HS6ST1: variants seen among roughly 807,000 people sequenced by gnomAD.
The protein encoded by HS6ST1 is heparan sulfate 6-O-sulfotransferase 1.
HS6ST1 carries 3 observed loss-of-function variants against 25.2 expected under a neutral mutation model. That is an observed-to-expected ratio of 0.12 (90% CI 0.05 to 0.31). The LOEUF (loss-of-function observed/expected upper bound fraction) is 0.31, where lower values mean the gene tolerates loss of function less well. Ranked by LOEUF, HS6ST1 falls within the 10% of genes least tolerant of loss-of-function variation. The pLI is 1.00. For synonymous variants in HS6ST1, 204 were observed against 275.1 expected, an observed-to-expected ratio of 0.74 and a Z score of 2.56; for missense variants, 310 against 609.6, an observed-to-expected ratio of 0.51 and a Z score of 5.18.
chr2:128,282,042 T>G, intron 1 of HS6ST1, among the ~76,000 whole-genome samples: 1 of 152,186 alleles, frequency 6.6e-6, no homozygotes, highest in East Asian at 1.9e-4. Flanking sequence ...GCCTCCAGGC[T>G]GGAAGGGCAG....
intron 1 of HS6ST1, among the ~76,000 whole-genome samples, chr2:128,281,181 G>C (rs1004605740): frequency 6.6e-6 from 1 of 152,234 alleles, no homozygotes; most frequent in East Asian, 1.9e-4. Flanking sequence ...ACCTGGGTCT[G>C]GACAGGACTG....
intron 1 of HS6ST1, among the ~76,000 whole-genome samples, chr2:128,280,641 A>C (rs1693771777): frequency 6.6e-6 from 1 of 152,100 alleles, no homozygotes; most frequent in Non-Finnish European, 1.5e-5. Flanking sequence ...GCAACACAGA[A>C]AATGCTGGGC....
intron 1 of HS6ST1, among the ~76,000 whole-genome samples, chr2:128,308,094 G>A (rs1258223821): frequency 6.6e-6 from 1 of 152,204 alleles, no homozygotes; most frequent in African/African-American, 2.4e-5. Flanking sequence ...CATCAAAACA[G>A]CACTGTGTAT....
chr2:128,305,961 A>G (rs1442235054), intron 1 of HS6ST1, among the ~76,000 whole-genome samples: 1 of 152,046 alleles, frequency 6.6e-6, no homozygotes, highest in Non-Finnish European at 1.5e-5. Context: ...CACTCTGGGG[A>G]GTGACCTGCC....
In HS6ST1 at chr2:128,318,768, C is replaced by A. The variant is rs1694418327; in HGVS notation, c.-205G>T. ...CCGGCTCCCCGGGCCCGACGCCCGA[C>A]TCCGCTCCCGCTCGGCCCCGCTCCC... On this transcript the variant is annotated 5_prime_UTR_variant, in exon 1 of 2. Transcript: ENST00000259241. The surrounding 1 kb of genome is among the most constrained non-coding windows in gnomAD (Gnocchi z 5.7). Among the ~76,000 whole-genome samples the A allele has an allele frequency of 6.8e-6, 1 of 147,020 alleles. No homozygotes were observed. The highest frequency in any genetic ancestry group is 1.5e-5 in the Non-Finnish European group (1 of 66,054).
chr2:128,283,200 C>T (rs1041878076), intron 1 of HS6ST1, among the ~76,000 whole-genome samples: 4 of 152,312 alleles, frequency 2.6e-5, no homozygotes, highest in East Asian at 3.9e-4. Flanking sequence ...CAGTGTCCCC[C>T]GAGCCCAGGG....
In HS6ST1 at chr2:128,300,870, G is replaced by A. The variant is rs1309178251; in HGVS notation, c.527+17167C>T. Among the ~76,000 whole-genome samples the A allele has an allele frequency of 4.6e-5, 7 of 152,224 alleles. No individual in the cohort carries two copies. In the South Asian group the frequency reaches 8.3e-4, roughly 18 times the overall value. On this transcript the variant is annotated intron_variant, in intron 1 of 1. Coordinates refer to ENST00000259241, the MANE Select transcript of HS6ST1 (RefSeq NM_004807.3). ...AGCCCCACACCCCGTCTGAGCCTCCGCCAGTATCTTTCTCAAGGGAGAGCC... is the reference window on the plus strand; with the variant it reads ...AGCCCCACACCCCGTCTGAGCCTCCACCAGTATCTTTCTCAAGGGAGAGCC...
chr2:128,301,220 G>A (rs571957797), intron 1 of HS6ST1, among the ~76,000 whole-genome samples: 8 of 151,782 alleles, frequency 5.3e-5, no homozygotes, highest in Admixed American at 2.6e-4. Context: ...AGGGGTTCCC[G>A]GGGGCTGCGT....
intron 1 of HS6ST1, among the ~76,000 whole-genome samples, chr2:128,269,931 G>A (rs1158197324): frequency 1.3e-5 from 2 of 152,216 alleles, no homozygotes; most frequent in Non-Finnish European, 2.9e-5. Context: ...GGACCCCGGG[G>A]AGCACAAAGC....
intron 1 of HS6ST1, among the ~76,000 whole-genome samples, chr2:128,304,407 G>A (rs1343588962): frequency 6.6e-6 from 1 of 152,214 alleles, no homozygotes; most frequent in African/African-American, 2.4e-5. Context: ...GGTGAGAGGA[G>A]GGCCTCTAGC....
At chr2:128,316,388 C>A (rs4315469) in intron 1 of HS6ST1, among the ~76,000 whole-genome samples, 19,024 of 152,248 alleles carry the variant, frequency 0.12, 1,591 homozygotes, top group African/African-American at 0.23. Flanking sequence ...CCTTGCACCC[C>A]CCACAGGTAG....
intron 1 of HS6ST1, among the ~76,000 whole-genome samples, chr2:128,273,513 C>A (rs143801421): frequency 2.0e-5 from 3 of 152,254 alleles, no homozygotes; most frequent in Non-Finnish European, 4.4e-5. Context: ...CTACCTGGCA[C>A]GCCCCTCCAT....
At position 128,268,482 on chromosome 2, in the gene HS6ST1, G is replaced by A. The variant is rs780352591; in HGVS notation, c.916C>T (p.Arg306Trp). The change falls in exon 2 of 2, where the codon CGG (arginine) becomes TGG (tryptophan). Residue 306 changes from arginine to tryptophan, a missense_variant. Physicochemically the swap from Arg to Trp is moderately radical, Grantham distance 101. Coordinates refer to ENST00000259241, the MANE Select transcript of HS6ST1 (RefSeq NM_004807.3). ...CGGATGAACTTGAGGTTGAACGTCC[G>A]CTCGAACAGGTACTGCGTCTTGCGC... The part of the protein sequence containing the change: ...FQRKTQYLFE[R>W]TFNLKFIRPF... 75 of 1,612,904 alleles carry A rather than the reference G, an allele frequency of 4.6e-5. No individual in the cohort carries two copies. The highest frequency in any genetic ancestry group is 2.9e-4 in the South Asian group (26 of 91,008).
chr2:128,272,290 A>C (rs1693620454), intron 1 of HS6ST1, among the ~76,000 whole-genome samples: 1 of 152,206 alleles, frequency 6.6e-6, no homozygotes, highest in Admixed American at 6.5e-5. Flanking sequence ...TGCATGGGCC[A>C]TGCCCTTCAC....
intron 1 of HS6ST1, among the ~76,000 whole-genome samples, chr2:128,302,332 T>C (rs957905630): frequency 4.6e-5 from 7 of 152,166 alleles, no homozygotes; most frequent in African/African-American, 1.4e-4. Context: ...AAGGCTGGCG[T>C]GCATGTGTGT....
intron 1 of HS6ST1, among the ~76,000 whole-genome samples, chr2:128,298,669 AGTTCGT>A (rs1694076966): frequency 6.6e-6 from 1 of 152,130 alleles, no homozygotes; most frequent in African/African-American, 2.4e-5. Context: ...GGGAATGAGG[AGTTCGT>A]GTTTAATGGG....
At position 128,318,414 on chromosome 2, in the gene HS6ST1, C is replaced by A. The variant is rs1363804073; in HGVS notation, c.150G>T (p.Pro50=). ...TGGGGAACAGGTCCAGGTCGTCGGGCGGCGCGCGGCCGCCGGGCGCGCCCA... is the reference window on the plus strand; with the variant it reads ...TGGGGAACAGGTCCAGGTCGTCGGGAGGCGCGCGGCCGCCGGGCGCGCCCA... ...LSLGAPGGRA[P]PDDLDLFPTP... The change falls in exon 1 of 2, where the codon CCG becomes CCT. Residue 50 remains proline, a synonymous_variant. Transcript: ENST00000259241. The surrounding 1 kb of genome is among the most constrained non-coding windows in gnomAD (Gnocchi z 5.7). 1 of 1,602,820 alleles carries A rather than the reference C, an allele frequency of 6.2e-7. No homozygotes were observed. Among genetic ancestry groups the A allele is most frequent in the Non-Finnish European group, 8.5e-7 (1 of 1,175,816 alleles).
At chr2:128,298,393 C>T (rs4662792) in intron 1 of HS6ST1, among the ~76,000 whole-genome samples, 27,044 of 152,044 alleles carry the variant, frequency 0.18, 2,659 homozygotes, top group Non-Finnish European at 0.21. Flanking sequence ...GCATCATTCA[C>T]AATAGCAAGA....
chr2:128,275,235 A>T (rs1439662777), intron 1 of HS6ST1, among the ~76,000 whole-genome samples: 1 of 152,242 alleles, frequency 6.6e-6, no homozygotes, highest in Non-Finnish European at 1.5e-5. Context: ...TGAAGGCATC[A>T]TCATGTAAAC....
Sources: allele counts gnomAD v4.1 joint callset (sites outside exome capture counted in the v4.1 genomes callset), GRCh38; gene constraint gnomAD v4.1.1; non-coding constraint Gnocchi (gnomAD v3.1); transcripts MANE v1.5; gene names NCBI Gene and HGNC (gene_info 2026-07-23, HGNC 2026-07-21).